Variants in DCHS2 observed in about 807,000 individuals in gnomAD.
DCHS2 encodes dachsous cadherin-related 2.
A neutral mutation model predicts 182.4 loss-of-function variants in DCHS2; 142 were observed. That is an observed-to-expected ratio of 0.78 (90% CI 0.68 to 0.89). The LOEUF (loss-of-function observed/expected upper bound fraction) is 0.89. Among genes scored for constraint, DCHS2 ranks in the 40% least tolerant of loss-of-function variants. The probability of loss-of-function intolerance (pLI) is 0.00; values close to 1 mark genes in which losing one functional copy is unlikely to be tolerated. For missense variants in DCHS2, 4,319 were observed against 4,198.6 expected (o/e 1.03, Z -0.79); for synonymous variants, 1,740 against 1,663.3 (o/e 1.05, Z -1.12).
In DCHS2 at chr4:154,490,997, G is replaced by A; in HGVS notation, c.359C>T (p.Pro120Leu). ...SPLLDDFHVH[P>L]DTGIIRTARR... is the part of the protein sequence containing the mutation. ...CGCAGTGCGGATGATGCCGGTGTCC[G>A]GGTGCACGTGGAAGTCGTCCAGCAG... The change falls in exon 1 of 20, where the codon CCG (proline) becomes CTG (leucine). Residue 120 changes from proline to leucine, a missense_variant. Pro to Leu is a moderately conservative substitution (Grantham distance 98). Coordinates refer to ENST00000357232, the MANE Select transcript of DCHS2 (RefSeq NM_001358235.2). The A allele has an allele frequency of 6.4e-7, 1 of 1,550,422 alleles. No homozygotes were observed. The highest frequency in any genetic ancestry group is 2.4e-5 in the East Asian group (1 of 40,860).
chr4:154,321,069 CA>C lies in DCHS2; in HGVS notation c.4329del (p.Ile1443MetfsTer12), dbSNP rs745498067. 5 of 1,610,352 alleles carry C rather than the reference CA, an allele frequency of 3.1e-6. No individual in the cohort carries two copies. Among genetic ancestry groups the C allele is most frequent in the South Asian group, 2.2e-5 (2 of 90,990 alleles). On this transcript the variant is annotated frameshift_variant, in exon 9 of 20. Transcript: ENST00000357232. LOFTEE classifies it high-confidence loss of function. ...AAGTGTCCATCCTTATCATCTGCAA[CA>C]ATACTAAAATGTAACTTTCCATTAT... ...QHYNGKLHFS[I>X]VADDKDGHFE...
chr4:154,400,800 GT>G (rs1732140794), intron 1 of DCHS2, among the ~76,000 whole-genome samples: 1 of 151,792 alleles, frequency 6.6e-6, no homozygotes, highest in African/African-American at 2.4e-5. Context: ...TTTTTACCCT[GT>G]CCCCACCAGT....
chr4:154,310,224 T>C (rs984367286), intron 10 of DCHS2, among the ~76,000 whole-genome samples: 2 of 152,208 alleles, frequency 1.3e-5, no homozygotes, highest in African/African-American at 2.4e-5. Context: ...GGGGAATATG[T>C]GTGGAAATCA....
intron 8 of DCHS2, among the ~76,000 whole-genome samples, 194 bp downstream of exon 8, chr4:154,322,137 T>C (rs1736084300): frequency 6.6e-6 from 1 of 152,206 alleles, no homozygotes; most frequent in African/African-American, 2.4e-5. Context: ...CAAAATAATT[T>C]GGGTCTAAAT....
rs1480005193 is a variant in DCHS2, at chr4:154,491,261, G to T, written c.95C>A (p.Pro32His). 4 of 1,551,270 alleles carry T rather than the reference G, an allele frequency of 2.6e-6. No homozygotes were observed. The highest frequency in any genetic ancestry group is 2.4e-5 in the East Asian group (1 of 40,888). ...LLLLPGRRDT[P>H]HGRSGSSGAR... is the part of the protein sequence containing the mutation. ...GCCGCTGCTGCCTGACCGCCCATGG[G>T]GTGTATCTCTCCTCCCGGGGAGCAG... is the stretch of plus-strand genomic sequence containing the variant. The change falls in exon 1 of 20, where the codon CCC becomes CAC. Residue 32 changes from proline to histidine, a missense_variant. Physicochemically the swap from Pro to His is moderately conservative, Grantham distance 77. Coordinates refer to ENST00000357232, the MANE Select transcript of DCHS2 (RefSeq NM_001358235.2).
rs181186494 is a variant in DCHS2, at chr4:154,304,585, C to T, written c.5605+84G>A. The stretch of plus-strand genomic sequence containing the variant: ...GAGGTGAAGTTGCAGTGAGCCATCG[C>T]GCCACTGCACTCCAGCCTGGGTGAC... On this transcript the variant is annotated intron_variant, in intron 12 of 19. Coordinates refer to ENST00000357232, the MANE Select transcript of DCHS2 (RefSeq NM_001358235.2). 48 of 1,299,316 alleles carry T rather than the reference C, an allele frequency of 3.7e-5. No homozygotes were observed. In the East Asian group the frequency reaches 9.1e-4, roughly 25 times the overall value. The allele number at this position is 1,299,316 out of a possible 1,614,324, so 80.5% of individuals were successfully genotyped here. A position where few individuals can be genotyped will look rare whatever the true frequency, so the allele number is the denominator to read the frequency against.
chr4:154,383,691 C>T (rs1229536437), intron 1 of DCHS2, among the ~76,000 whole-genome samples: 3 of 151,992 alleles, frequency 2.0e-5, no homozygotes, highest in African/African-American at 7.3e-5. Flanking sequence ...AGGGCTTCCT[C>T]CCCTTCAACA....
rs1222142188 is a variant in DCHS2, at chr4:154,255,546, A to G, written c.6914T>C (p.Leu2305Pro). 17 of 1,613,838 alleles carry G rather than the reference A, an allele frequency of 1.1e-5. No homozygotes were observed. Among genetic ancestry groups the G allele is most frequent in the Non-Finnish European group, 1.4e-5 (16 of 1,179,846 alleles). ...GTAGGAGCTGGTGAGCTCGTAATCTAGAATCGCTTTTGTTGTTATCACACC... is the reference window on the plus strand; with the variant it reads ...GTAGGAGCTGGTGAGCTCGTAATCTGGAATCGCTTTTGTTGTTATCACACC... ...LSGVITTKAI[L>P]DYELTSSYSL... is the part of the protein sequence containing the mutation. The change falls in exon 16 of 20, where the codon CTA becomes CCA. Residue 2305 changes from leucine to proline, a missense_variant. Coordinates refer to ENST00000357232, the MANE Select transcript of DCHS2 (RefSeq NM_001358235.2).
chr4:154,334,320 G>C (rs1004803937), intron 4 of DCHS2: 2 of 153,780 alleles, frequency 1.3e-5, no homozygotes, highest in African/African-American at 4.8e-5. Context: ...TCCTCTACAG[G>C]TGTGAAAAAG....
rs35401379 is a variant in DCHS2, at chr4:154,374,002, C to CAAA, written c.2244+3248_2244+3250dup. On this transcript the variant is annotated intron_variant, in intron 2 of 19. Coordinates refer to ENST00000357232, the MANE Select transcript of DCHS2 (RefSeq NM_001358235.2). ...TTTTTGGAGGTGGATATTTTAATAG[C>CAAA]AAAAAAAAAAAAAAAAAAAAAAACT... 3.0e-3 allele frequency: 1,806 copies of CAAA among 595,650 alleles called. 2 individuals carry two copies. The highest frequency in any genetic ancestry group is 5.2e-3 in the Middle Eastern group (10 of 1,930). The allele number at this position is 595,650 out of a possible 1,614,324, so 36.9% of individuals were successfully genotyped here.
At position 154,480,387 on chromosome 4, in the gene DCHS2, G is replaced by A. The variant is rs942386446; in HGVS notation, c.2052+8917C>T. On this transcript the variant is annotated intron_variant, in intron 1 of 19. Transcript: ENST00000357232. ...AAAAAGCTTTGAAAAGTTGGAGGAC[G>A]GTTTGTCATATTGAACAGAATTTTT... Among the ~76,000 whole-genome samples, 24 of 152,254 alleles carry A rather than the reference G, an allele frequency of 1.6e-4. No homozygotes were observed. The East Asian group carries it at 2.9e-3, about 18-fold the overall frequency.
chr4:154,414,443 A>C (rs1732749655), intron 1 of DCHS2, among the ~76,000 whole-genome samples: 1 of 148,692 alleles, frequency 6.7e-6, no homozygotes, highest in African/African-American at 2.4e-5. Context: ...ATTCCCAGAG[A>C]GTATAATATA....
chr4:154,405,921 T>C (rs746501485), intron 1 of DCHS2, among the ~76,000 whole-genome samples: 3 of 152,214 alleles, frequency 2.0e-5, no homozygotes, highest in Non-Finnish European at 2.9e-5. Flanking sequence ...TTATGTTGTC[T>C]CCCTTTAAAG....
intron 13 of DCHS2, among the ~76,000 whole-genome samples, chr4:154,287,480 G>C (rs1422258850): frequency 6.6e-6 from 1 of 152,092 alleles, no homozygotes; most frequent in Non-Finnish European, 1.5e-5. Context: ...TTAAGGTATA[G>C]TCTTCTTTAA....
At chr4:154,286,673 A>G (rs1359538064) in intron 13 of DCHS2, among the ~76,000 whole-genome samples, 1 of 152,062 alleles carries the variant, frequency 6.6e-6, no homozygotes, top group Non-Finnish European at 1.5e-5. Flanking sequence ...AGACAAAAGA[A>G]AAAAGGATGA....
At chr4:154,259,500 C>CACACACA (rs537383748) in intron 15 of DCHS2, 45 bp downstream of exon 15, 127 of 1,410,952 alleles carry the variant, frequency 9.0e-5, no homozygotes, top group South Asian at 6.8e-4. Flanking sequence ...ACAGACACAC[C>CACACACA]CACACACACA....
At chr4:154,274,486 T>C (rs1251416137) in intron 13 of DCHS2, among the ~76,000 whole-genome samples, 1 of 152,216 alleles carries the variant, frequency 6.6e-6, no homozygotes, top group Non-Finnish European at 1.5e-5. Context: ...TAAATTGGAC[T>C]AAGTTCCATG....
chr4:154,489,686 A>G lies in DCHS2; in HGVS notation c.1670T>C (p.Val557Ala). Residue 557 changes from valine to alanine, a missense_variant, in exon 1 of 20, where the codon GTA (valine) becomes GCA (alanine). Coordinates refer to ENST00000357232, the MANE Select transcript of DCHS2 (RefSeq NM_001358235.2). ...ATCGGAGGCGCTGACCCACATGACT[A>G]CAGTGCCAGGGGCCGCGGCCTCGGA... ...SVSEAAAPGT[V>A]VMWVSASDAD... 1 of 1,551,622 alleles carries G rather than the reference A, an allele frequency of 6.4e-7. No homozygotes were observed. Among genetic ancestry groups the G allele is most frequent in the Non-Finnish European group, 8.7e-7 (1 of 1,146,966 alleles).
intron 13 of DCHS2, among the ~76,000 whole-genome samples, chr4:154,283,125 G>A (rs927775353): frequency 2.0e-5 from 3 of 152,158 alleles, no homozygotes; most frequent in African/African-American, 4.8e-5. Flanking sequence ...TAACACTGTC[G>A]TAGACTTAGA....
Sources: allele counts gnomAD v4.1 joint callset (sites outside exome capture counted in the v4.1 genomes callset), GRCh38; gene constraint gnomAD v4.1.1; transcripts MANE v1.5; gene names NCBI Gene and HGNC (gene_info 2026-07-23, HGNC 2026-07-21).